The following SYT1 variants were observed in gnomAD, a reference collection of about 807,000 sequenced individuals.
SYT1 encodes the protein synaptotagmin-1.
In SYT1, 8 loss-of-function variants were observed where a neutral mutation model predicts 44.8. That is an observed-to-expected ratio of 0.18 (90% CI 0.10 to 0.32). The LOEUF (loss-of-function observed/expected upper bound fraction) is 0.32. SYT1 is among the 10% of genes least tolerant of loss of function. SYT1 has a pLI of 1.00. For synonymous variants in SYT1, 154 were observed against 188.8 expected (o/e 0.82, Z 1.51); for missense variants, 286 against 509.3 (o/e 0.56, Z 4.22).
intron 2 of SYT1, among the ~76,000 whole-genome samples, chr12:79,015,412 T>C (rs191191106): frequency 8.5e-5 from 13 of 152,238 alleles, no homozygotes; most frequent in African/African-American, 2.9e-4. Context: ...GTTTTTCCTA[T>C]TTTTATAGGT....
intron 8 of SYT1, among the ~76,000 whole-genome samples, chr12:79,335,176 C>T (rs1487723441): frequency 2.0e-5 from 3 of 152,096 alleles, no homozygotes; most frequent in South Asian, 2.1e-4. Flanking sequence ...TACACTTGTA[C>T]GATTTTATTT....
rs1491038321 is a variant in SYT1, at chr12:79,178,954, A to ATC, written c.-17-38549_-17-38548insTC. ...TCTATATAGATATAGATATAGATATAGATATAGATATAGATATATAGATAT... is the reference window on the plus strand; with the variant it reads ...TCTATATAGATATAGATATAGATATATCGATATAGATATAGATATATAGATAT... On this transcript the variant is annotated intron_variant, in intron 3 of 10. Transcript: ENST00000261205. Among the ~76,000 whole-genome samples the ATC allele has an allele frequency of 3.1e-3, 224 of 72,640 alleles. 34 individuals are homozygous for ATC. The highest frequency in any genetic ancestry group is 8.1e-3 in the Middle Eastern group (1 of 124). The allele number at this position is 72,640 out of a possible 152,430, so 47.7% of individuals were successfully genotyped here.
chr12:79,252,414 G>T (rs1877272567), intron 4 of SYT1, among the ~76,000 whole-genome samples: 1 of 152,104 alleles, frequency 6.6e-6, no homozygotes, highest in East Asian at 1.9e-4. Flanking sequence ...CATTAGTACT[G>T]TTCAAAAAGT....
chr12:79,025,983 G>A (rs1280738976), intron 2 of SYT1, among the ~76,000 whole-genome samples: 2 of 151,606 alleles, frequency 1.3e-5, no homozygotes, highest in East Asian at 3.9e-4. Context: ...ATAAGATACT[G>A]AAAATAGATA....
intron 2 of SYT1, chr12:78,995,892 TATTTGCATTCAGTCTTA>T (rs1870347724): frequency 6.6e-6 from 1 of 152,212 alleles, no homozygotes; most frequent in Non-Finnish European, 1.5e-5. Flanking sequence ...ACTGTGGTGT[TATTTGCATTCAGTCTTA>T]ATTTACACGG....
At chr12:79,426,600 G>GT (rs1215324011) in intron 9 of SYT1, among the ~76,000 whole-genome samples, 1 of 152,052 alleles carries the variant, frequency 6.6e-6, no homozygotes, top group Non-Finnish European at 1.5e-5. Flanking sequence ...TTGCAATATT[G>GT]TATGATAGCG....
chr12:79,256,371 C>T (rs1268148399), intron 4 of SYT1, among the ~76,000 whole-genome samples: 1 of 152,226 alleles, frequency 6.6e-6, no homozygotes, highest in African/African-American at 2.4e-5. Flanking sequence ...TGTTGGCCTG[C>T]AGAATCTTGT....
chr12:79,328,016 T>G (rs1487878035), intron 8 of SYT1, among the ~76,000 whole-genome samples: 2 of 152,120 alleles, frequency 1.3e-5, no homozygotes, highest in African/African-American at 4.8e-5. Flanking sequence ...AGTCTCACAT[T>G]TGGGAGGCAG....
At chr12:79,121,629 T>C (rs1329358673) in intron 3 of SYT1, among the ~76,000 whole-genome samples, 1 of 152,116 alleles carries the variant, frequency 6.6e-6, no homozygotes, top group African/African-American at 2.4e-5. Flanking sequence ...TTTCTTAGTG[T>C]GGGTATAAAG....
intron 3 of SYT1, among the ~76,000 whole-genome samples, chr12:79,106,340 C>A (rs140797847): frequency 6.6e-6 from 1 of 152,020 alleles, no homozygotes; most frequent in Non-Finnish European, 1.5e-5. Context: ...ATGAGATAGG[C>A]GAGTGATCCA....
chr12:79,098,055 T>C (rs1878242059), intron 3 of SYT1, among the ~76,000 whole-genome samples: 1 of 152,108 alleles, frequency 6.6e-6, no homozygotes, highest in Non-Finnish European at 1.5e-5. Context: ...GCTTATGTTT[T>C]ATCTCAGCCA....
chr12:79,250,681 T>A (rs541400920), intron 4 of SYT1, among the ~76,000 whole-genome samples: 2 of 152,294 alleles, frequency 1.3e-5, no homozygotes, highest in South Asian at 4.1e-4. Context: ...AAATGGATGA[T>A]CTATGAATTG....
intron 9 of SYT1, among the ~76,000 whole-genome samples, chr12:79,432,303 G>T (rs1017614920): frequency 6.6e-6 from 1 of 151,310 alleles, no homozygotes; most frequent in Non-Finnish European, 1.5e-5. Context: ...ATGTTGGTTT[G>T]CTGCACCCAT....
At chr12:79,306,342 C>T (rs563247601) in intron 8 of SYT1, among the ~76,000 whole-genome samples, 91 of 152,306 alleles carry the variant, frequency 6.0e-4, no homozygotes, top group African/African-American at 1.9e-3. Flanking sequence ...AAGTATCTTT[C>T]TCAATGTATA....
intron 4 of SYT1, among the ~76,000 whole-genome samples, chr12:79,260,993 C>T (rs1877799619): frequency 6.6e-6 from 1 of 152,104 alleles, no homozygotes; most frequent in Non-Finnish European, 1.5e-5. Flanking sequence ...CTCAGTATGG[C>T]TCAGGGGTCA....
At chr12:79,194,376 G>C (rs1365296309) in intron 3 of SYT1, among the ~76,000 whole-genome samples, 3 of 152,042 alleles carry the variant, frequency 2.0e-5, no homozygotes, top group African/African-American at 7.2e-5. Context: ...AGCCACATCA[G>C]ATTCACCTGG....
chr12:79,306,950 C>T (rs564580150), intron 8 of SYT1, among the ~76,000 whole-genome samples: 1 of 152,202 alleles, frequency 6.6e-6, no homozygotes, highest in Non-Finnish European at 1.5e-5. Flanking sequence ...GTGAGCAACA[C>T]AGGAGAATGT....
At chr12:79,124,986 A>T (rs1341555921) in intron 3 of SYT1, among the ~76,000 whole-genome samples, 12 of 149,650 alleles carry the variant, frequency 8.0e-5, no homozygotes, top group East Asian at 2.0e-4. Context: ...GGAATGTCAA[A>T]TTTTTTTTTT....
At chr12:78,913,195 ATTTAT>A (rs1027351791) in intron 1 of SYT1, among the ~76,000 whole-genome samples, 45 of 151,408 alleles carry the variant, frequency 3.0e-4, no homozygotes, top group Non-Finnish European at 5.8e-4. Context: ...TAATTATTGA[ATTTAT>A]TTTGTTTTCT....
Sources: allele counts gnomAD v4.1 joint callset (sites outside exome capture counted in the v4.1 genomes callset), GRCh38; gene constraint gnomAD v4.1.1; transcripts MANE v1.5; gene names NCBI Gene and HGNC (gene_info 2026-07-23, HGNC 2026-07-21).